Variants in TMEM178B observed in about 807,000 individuals in gnomAD.
The protein encoded by TMEM178B is transmembrane protein 178B.
TMEM178B carries 5 observed loss-of-function variants against 31.0 expected under a neutral mutation model. The ratio of observed to expected loss-of-function variants is 0.16; its 90% CI spans 0.08 to 0.34. The LOEUF is 0.34. Among genes scored for constraint, TMEM178B ranks in the 10% least tolerant of loss-of-function variants. The pLI, the probability that TMEM178B is intolerant of heterozygous loss-of-function variation, is 1.00. For missense variants in TMEM178B, 275 were observed against 400.3 expected (o/e 0.69, Z 2.67); for synonymous variants, 164 against 164.0 (o/e 1.00, Z 0.00).
intron 1 of TMEM178B, among the ~76,000 whole-genome samples, chr7:141,163,025 CA>C (rs1796201119): frequency 6.6e-6 from 1 of 152,188 alleles, no homozygotes; most frequent in Admixed American, 6.5e-5. Flanking sequence ...GTGTAACAAC[CA>C]ACCACAAAGC....
At chr7:141,278,328 T>A (rs967952610) in intron 2 of TMEM178B, among the ~76,000 whole-genome samples, 1 of 152,172 alleles carries the variant, frequency 6.6e-6, no homozygotes, top group African/African-American at 2.4e-5. Context: ...GCACCTGTAG[T>A]CCCAACACTT....
chr7:141,125,553 C>T (rs992905992), intron 1 of TMEM178B, among the ~76,000 whole-genome samples: 10 of 151,672 alleles, frequency 6.6e-5, no homozygotes, highest in African/African-American at 1.9e-4. Flanking sequence ...TGGTGGCACA[C>T]GCCTGTAATC....
chr7:141,101,069 T>C (rs1348279287), intron 1 of TMEM178B, among the ~76,000 whole-genome samples: 2 of 152,218 alleles, frequency 1.3e-5, no homozygotes, highest in African/African-American at 4.8e-5. Context: ...ATAATGTAAA[T>C]TTCCACAGGC....
chr7:141,388,281 C>G (rs1451959635), intron 2 of TMEM178B, among the ~76,000 whole-genome samples: 2 of 152,140 alleles, frequency 1.3e-5, no homozygotes, highest in East Asian at 1.9e-4. Flanking sequence ...CCACCCCACT[C>G]ATGTCACTAA....
intron 1 of TMEM178B, among the ~76,000 whole-genome samples, chr7:141,189,283 G>A (rs1796659153): frequency 6.6e-6 from 1 of 152,268 alleles, no homozygotes; most frequent in African/African-American, 2.4e-5. Context: ...AGTGAAGGCA[G>A]AACTTTCCCA....
chr7:141,223,704 G>A (rs946500409), intron 2 of TMEM178B, among the ~76,000 whole-genome samples: 1 of 152,028 alleles, frequency 6.6e-6, no homozygotes, highest in South Asian at 2.1e-4. Context: ...ATCCATCTGA[G>A]GAGCCTTCTG....
intron 2 of TMEM178B, among the ~76,000 whole-genome samples, chr7:141,296,924 G>A (rs1467308595): frequency 6.6e-6 from 1 of 152,212 alleles, no homozygotes; most frequent in Admixed American, 6.5e-5. Context: ...TCATATTACA[G>A]TGGCAACTTG....
chr7:141,472,459 G>A lies in TMEM178B; in HGVS notation c.*1673G>A, dbSNP rs972260073. On this transcript the variant is annotated 3_prime_UTR_variant, in exon 4 of 4. Coordinates refer to ENST00000565468, the MANE Select transcript of TMEM178B (RefSeq NM_001195278.2). ...CAAAGTCAGCCAGAGAGTTGTGAAC[G>A]CTGTAGGGGTGGGAGTCTGCTGGAG... The A allele has an allele frequency of 2.6e-5, 4 of 152,178 alleles. No individual in the cohort carries two copies. The highest frequency in any genetic ancestry group is 2.1e-4 in the South Asian group (1 of 4,818). 9.4% of individuals were successfully genotyped at this position (152,178 alleles called of 1,614,324 possible). A position where few individuals can be genotyped will look rare whatever the true frequency, so the allele number is the denominator to read the frequency against.
intron 1 of TMEM178B, among the ~76,000 whole-genome samples, chr7:141,159,160 TCTC>T (rs1268434170): frequency 5.3e-5 from 8 of 152,194 alleles, no homozygotes; most frequent in East Asian, 3.9e-4. Context: ...CATCTCCTCA[TCTC>T]CTCTTTCTTC....
chr7:141,097,875 T>G (rs1794991992), intron 1 of TMEM178B, among the ~76,000 whole-genome samples: 1 of 150,138 alleles, frequency 6.7e-6, no homozygotes, highest in African/African-American at 2.5e-5. Flanking sequence ...CACTGCAGCT[T>G]CGACCTCCCT....
In TMEM178B at chr7:141,145,577, C is replaced by T. The variant is rs574679903; in HGVS notation, c.383-67014C>T. On this transcript the variant is annotated intron_variant, in intron 1 of 3. Coordinates refer to ENST00000565468, the MANE Select transcript of TMEM178B (RefSeq NM_001195278.2). The stretch of plus-strand genomic sequence containing the variant: ...TCAGTGTATTCACCCCTGAGCCAGG[C>T]ATCTTGCTGGAAAACACAAAGTGTC... Among the ~76,000 whole-genome samples the T allele has an allele frequency of 1.1e-3, 170 of 152,330 alleles. 1 individual carries two copies. Among genetic ancestry groups the T allele is most frequent in the African/African-American group, 3.9e-3 (164 of 41,576 alleles).
At chr7:141,286,564 G>A (rs1798451466) in intron 2 of TMEM178B, among the ~76,000 whole-genome samples, 1 of 152,166 alleles carries the variant, frequency 6.6e-6, no homozygotes, top group Non-Finnish European at 1.5e-5. Flanking sequence ...GGCTTCTCAA[G>A]ACCCTTCCAA....
At chr7:141,267,728 TTTTATATTTAA>T (rs1213716787) in intron 2 of TMEM178B, among the ~76,000 whole-genome samples, 1 of 152,230 alleles carries the variant, frequency 6.6e-6, no homozygotes, top group Non-Finnish European at 1.5e-5. Context: ...CTTGGGACAT[TTTTATATTTAA>T]TTTATGATAT....
At chr7:141,414,080 T>TATGGCTGTGTAA (rs1586944675) in intron 2 of TMEM178B, among the ~76,000 whole-genome samples, 2 of 52,666 alleles carry the variant, frequency 3.8e-5, no homozygotes, top group African/African-American at 1.1e-4. Context: ...ACATCATTTT[T>TATGGCTGTGTAA]TTTTTTTTTT....
chr7:141,101,320 C>T (rs1795053758), intron 1 of TMEM178B, among the ~76,000 whole-genome samples: 1 of 152,210 alleles, frequency 6.6e-6, no homozygotes, highest in African/African-American at 2.4e-5. Flanking sequence ...CTGTTTTTCC[C>T]TTTAACCTTT....
At position 141,195,355 on chromosome 7, in the gene TMEM178B, T is replaced by C. The variant is rs186213385; in HGVS notation, c.383-17236T>C. Among the ~76,000 whole-genome samples the C allele has an allele frequency of 2.0e-5, 3 of 152,322 alleles. No individual in the cohort carries two copies. The East Asian group carries it at 5.8e-4, about 29-fold the overall frequency. The stretch of plus-strand genomic sequence containing the variant: ...CTGCTTAGAAATTTCTTCCACCAGA[T>C]ACCCTAAGTTATCTTTCTCAAGTTC... On this transcript the variant is annotated intron_variant, in intron 1 of 3. Coordinates refer to ENST00000565468, the MANE Select transcript of TMEM178B (RefSeq NM_001195278.2).
intron 2 of TMEM178B, among the ~76,000 whole-genome samples, chr7:141,393,753 C>A (rs896222967): frequency 9.2e-5 from 14 of 152,196 alleles, no homozygotes; most frequent in African/African-American, 3.4e-4. Context: ...ACAGATCATA[C>A]CCTTGCTTTC....
At chr7:141,301,549 A>C (rs1321559755) in intron 2 of TMEM178B, among the ~76,000 whole-genome samples, 2 of 152,188 alleles carry the variant, frequency 1.3e-5, no homozygotes, top group East Asian at 3.8e-4. Context: ...ATTGTGATGG[A>C]AAGAAAGCCA....
chr7:141,286,806 C>G (rs1186059833), intron 2 of TMEM178B, among the ~76,000 whole-genome samples: 1 of 152,170 alleles, frequency 6.6e-6, no homozygotes, highest in Non-Finnish European at 1.5e-5. Context: ...CAGAACATTG[C>G]TTAAAATAAT....
Sources: gnomAD v4.1 joint callset for allele counts (sites outside exome capture counted in the v4.1 genomes callset) on GRCh38, gnomAD v4.1.1 for gene constraint, MANE v1.5 for transcripts, NCBI Gene and HGNC (gene_info 2026-07-23, HGNC 2026-07-21) for gene names.